The following TENM4 variants were observed in gnomAD, a reference collection of about 807,000 sequenced individuals.
The protein encoded by TENM4 is teneurin-4.
TENM4 carries 82 observed loss-of-function variants against 243.3 expected under a neutral mutation model. That is an observed-to-expected ratio of 0.34 (90% confidence interval 0.28 to 0.40). The LOEUF is 0.40. TENM4 is among the 10% of genes least tolerant of loss of function. TENM4 has a pLI of 1.00. For missense variants in TENM4, 3,138 were observed against 3,673.3 expected (o/e 0.85, Z 3.77); for synonymous variants, 1,412 against 1,456.3 (o/e 0.97, Z 0.69).
At chr11:79,032,690 T>C (rs1859278159) in intron 6 of TENM4, among the ~76,000 whole-genome samples, 1 of 152,170 alleles carries the variant, frequency 6.6e-6, no homozygotes, top group African/African-American at 2.4e-5. Context: ...GAAAGATAAT[T>C]GCTTGAAGAT....
At chr11:79,102,844 T>C (rs1343274361) in intron 4 of TENM4, among the ~76,000 whole-genome samples, 1 of 152,246 alleles carries the variant, frequency 6.6e-6, no homozygotes, top group Non-Finnish European at 1.5e-5. Flanking sequence ...ATTTAACTTT[T>C]TTTTCCAGAT....
chr11:79,249,793 T>C (rs957511010), intron 2 of TENM4, among the ~76,000 whole-genome samples: 8 of 152,192 alleles, frequency 5.3e-5, no homozygotes, highest in African/African-American at 1.7e-4. Flanking sequence ...ATATTTAAAA[T>C]AGGAGCAATC....
At chr11:78,836,135 G>C (rs898380517) in intron 12 of TENM4, among the ~76,000 whole-genome samples, 1 of 152,066 alleles carries the variant, frequency 6.6e-6, no homozygotes, top group African/African-American at 2.4e-5. Context: ...AGGTGGATGG[G>C]TCACCTGAGG....
At chr11:78,674,190 G>A (rs146566926) in intron 30 of TENM4, among the ~76,000 whole-genome samples, 123 of 152,288 alleles carry the variant, frequency 8.1e-4, no homozygotes, top group African/African-American at 2.3e-3. Context: ...CTGGGGAGCC[G>A]CCTAATGCGT....
At chr11:79,211,043 C>T (rs7933101) in intron 3 of TENM4, among the ~76,000 whole-genome samples, 2,001 of 152,262 alleles carry the variant, frequency 0.013, 47 homozygotes, top group African/African-American at 0.045. Flanking sequence ...CACCTGCAAC[C>T]ACTCTTCTGC....
chr11:79,224,197 A>G (rs138010472), intron 2 of TENM4, among the ~76,000 whole-genome samples: 26 of 152,282 alleles, frequency 1.7e-4, no homozygotes, highest in African/African-American at 5.5e-4. Flanking sequence ...TGTACCCAGC[A>G]TGGACTGACT....
intron 2 of TENM4, among the ~76,000 whole-genome samples, chr11:79,247,364 C>G (rs997671689): frequency 7.0e-6 from 1 of 142,200 alleles, no homozygotes; most frequent in Admixed American, 7.5e-5. Flanking sequence ...TTGCAGTGAG[C>G]TGAGATCACG....
chr11:79,232,629 C>G (rs1247458358), intron 2 of TENM4, among the ~76,000 whole-genome samples: 1 of 152,236 alleles, frequency 6.6e-6, no homozygotes, highest in Non-Finnish European at 1.5e-5. Context: ...TCAACAGGCA[C>G]CAGTCCAGTG....
At chr11:79,103,299 T>C (rs1861280538) in intron 4 of TENM4, among the ~76,000 whole-genome samples, 1 of 152,176 alleles carries the variant, frequency 6.6e-6, no homozygotes. Flanking sequence ...CATATTAGAA[T>C]AAAATAATGT....
At chr11:79,162,027 C>G (rs1467113869) in intron 3 of TENM4, among the ~76,000 whole-genome samples, 2 of 152,162 alleles carry the variant, frequency 1.3e-5, no homozygotes, top group Non-Finnish European at 2.9e-5. Flanking sequence ...CCTGCCTCAC[C>G]CAGTACCCCC....
intron 2 of TENM4, among the ~76,000 whole-genome samples, chr11:79,276,214 GTATACT>G (rs2135354243): frequency 6.6e-6 from 1 of 152,356 alleles, no homozygotes; most frequent in Admixed American, 6.5e-5. Flanking sequence ...CTGTTGCCAA[GTATACT>G]TATACAGTAT....
chr11:79,332,258 TGC>T (rs1458278088), intron 1 of TENM4, among the ~76,000 whole-genome samples: 3 of 152,130 alleles, frequency 2.0e-5, no homozygotes, highest in African/African-American at 7.2e-5. Flanking sequence ...AGTCCCGCAG[TGC>T]AGGAGTGGTT....
At chr11:78,823,295 A>G (rs1234686973) in intron 12 of TENM4, among the ~76,000 whole-genome samples, 2 of 152,154 alleles carry the variant, frequency 1.3e-5, no homozygotes, top group East Asian at 3.9e-4. Context: ...GCAAGAGACA[A>G]CACCTCGCCC....
At chr11:78,665,431 C>A (rs1858134439) in intron 32 of TENM4, among the ~76,000 whole-genome samples, 1 of 152,044 alleles carries the variant, frequency 6.6e-6, no homozygotes, top group Non-Finnish European at 1.5e-5. Context: ...GCCACCACGC[C>A]CAGCTAAGTT....
At chr11:78,836,416 G>A (rs1170577007) in intron 12 of TENM4, among the ~76,000 whole-genome samples, 1 of 152,154 alleles carries the variant, frequency 6.6e-6, no homozygotes, top group Non-Finnish European at 1.5e-5. Context: ...CTGAAACTCA[G>A]TTTGCTGTGT....
rs537462353 is a variant in TENM4 at position 78,956,067 on chromosome 11, C to T, written c.494-52544G>A. On this transcript the variant is annotated intron_variant, in intron 6 of 33. Transcript: ENST00000278550. ...GCTGTATCATGTATGTGCCTCAGTG[C>T]CCCGTTCCTAGGGTTATTGCTGTGC... Among the ~76,000 whole-genome samples the T allele has an allele frequency of 3.3e-5, 5 of 152,276 alleles. No individual in the cohort carries two copies. The East Asian group carries it at 7.7e-4, about 23-fold the overall frequency.
intron 4 of TENM4, among the ~76,000 whole-genome samples, chr11:79,073,774 G>T (rs1860473246): frequency 6.6e-6 from 1 of 152,162 alleles, no homozygotes; most frequent in South Asian, 2.1e-4. Flanking sequence ...GTTAAGATGT[G>T]CCCCTAGCAT....
chr11:78,921,831 C>T (rs982227074), intron 6 of TENM4, among the ~76,000 whole-genome samples: 1 of 152,242 alleles, frequency 6.6e-6, no homozygotes. Context: ...CAGACTCTCT[C>T]CCTTCTCTGC....
Position 79,402,396 on chromosome 11 carries a change from TAG to T in TENM4, c.-321+38111_-321+38112del, listed in dbSNP as rs1212879107. On this transcript the variant is annotated intron_variant, in intron 1 of 33. Coordinates refer to ENST00000278550, the MANE Select transcript of TENM4 (RefSeq NM_001098816.3). Reference sequence around the variant, plus strand: ...TTTCATGTACCATCTATCCCTTTAGTAGAGCTTGCCCCTTCACAGCTACAACA... The same window carrying T: ...TTTCATGTACCATCTATCCCTTTAGTAGCTTGCCCCTTCACAGCTACAACA... Among the ~76,000 whole-genome samples the T allele has an allele frequency of 9.2e-5, 14 of 152,368 alleles. 1 individual carries two copies. The highest frequency in any genetic ancestry group is 3.4e-4 in the African/African-American group (14 of 41,586).
Sources: gnomAD v4.1 joint callset for allele counts (sites outside exome capture counted in the v4.1 genomes callset) on GRCh38, gnomAD v4.1.1 for gene constraint, MANE v1.5 for transcripts, NCBI Gene and HGNC (gene_info 2026-07-23, HGNC 2026-07-21) for gene names.